PRKAR1A: variants seen among roughly 807,000 people sequenced by gnomAD.
PRKAR1A encodes the protein cAMP-dependent protein kinase type I-alpha regulatory subunit.
In PRKAR1A, 3 loss-of-function variants were observed where a neutral mutation model predicts 52.0. The ratio of observed to expected loss-of-function variants is 0.06; its 90% CI spans 0.03 to 0.15. The LOEUF is 0.15. PRKAR1A is among the 10% of genes least tolerant of loss of function. The probability of loss-of-function intolerance (pLI) is 1.00; values close to 1 mark genes in which losing one functional copy is unlikely to be tolerated. For synonymous variants in PRKAR1A, 188 were observed against 168.4 expected, an observed-to-expected ratio of 1.12 and a Z score of -0.90; for missense variants, 240 against 477.4, an observed-to-expected ratio of 0.50 and a Z score of 4.63.
rs2143409900 is a variant in PRKAR1A, at chr17:68,532,693, A to G, written c.*2244A>G. 1 of 1,066,332 alleles carries G rather than the reference A, an allele frequency of 9.4e-7. No individual in the cohort carries two copies. The highest frequency in any genetic ancestry group is 5.0e-5 in the East Asian group (1 of 20,098). 66.1% of individuals were successfully genotyped at this position (1,066,332 alleles called of 1,614,324 possible). On this transcript the variant is annotated 3_prime_UTR_variant, in exon 11 of 11. Coordinates refer to ENST00000589228, the MANE Select transcript of PRKAR1A (RefSeq NM_002734.5). Reference sequence around the variant, plus strand: ...CCAGTCTGATTATACCATGTGTGCTAATATACTTTTTTTGTTATAGATTGT... The same window carrying G: ...CCAGTCTGATTATACCATGTGTGCTGATATACTTTTTTTGTTATAGATTGT...
the PRKAR1A span, chr17:68,436,247 C>G: frequency 1.3e-6 from 1 of 767,130 alleles, no homozygotes; most frequent in Non-Finnish European, 2.2e-6. Context: ...GTATCACCTT[C>G]TCTTGAACAA....
the PRKAR1A span, among the ~76,000 whole-genome samples, chr17:68,487,981 A>AAG: frequency 2.0e-5 from 3 of 151,950 alleles, no homozygotes; most frequent in Non-Finnish European, 4.4e-5. Context: ...GTTTGTATGA[A>AAG]AGAGAGAGAG....
the PRKAR1A span, among the ~76,000 whole-genome samples, chr17:68,465,765 G>A: frequency 1.3e-5 from 2 of 151,300 alleles, no homozygotes; most frequent in Admixed American, 6.6e-5. Flanking sequence ...CATCGCGCCC[G>A]GCCTGTCTCA....
the PRKAR1A span, among the ~76,000 whole-genome samples, chr17:68,426,873 T>C: frequency 6.6e-6 from 1 of 152,196 alleles, no homozygotes; most frequent in Non-Finnish European, 1.5e-5. Context: ...TTAACACCAC[T>C]TGTTAGGAAA....
chr17:68,509,248 G>A (rs1316007605), upstream of PRKAR1A, among the ~76,000 whole-genome samples: 3 of 152,150 alleles, frequency 2.0e-5, no homozygotes, highest in Admixed American at 6.5e-5. Context: ...GTGCAGTGGT[G>A]CGATCATGGC....
chr17:68,505,744 T>C, the PRKAR1A span, among the ~76,000 whole-genome samples: 1 of 152,030 alleles, frequency 6.6e-6, no homozygotes, highest in Non-Finnish European at 1.5e-5. Context: ...GCCCAGGAGA[T>C]GGGAGGTTGC....
At chr17:68,542,067 A>G in intron 11 of PRKAR1A, 4 of 1,613,968 alleles carry the variant, frequency 2.5e-6, no homozygotes, top group Non-Finnish European at 3.4e-6. Flanking sequence ...GACGGCAGGA[A>G]GGCAGAGAGG....
downstream of PRKAR1A, chr17:68,537,327 G>A: frequency 1.0e-6 from 1 of 958,734 alleles, no homozygotes; most frequent in Non-Finnish European, 1.6e-6. The surrounding 1 kb of genome is among the most constrained non-coding windows in gnomAD (Gnocchi z 4.2). Context: ...AGTTCCATGG[G>A]CCCCACTTGC....
the PRKAR1A span, among the ~76,000 whole-genome samples, chr17:68,434,153 T>C: frequency 2.6e-5 from 4 of 152,178 alleles, no homozygotes; most frequent in Admixed American, 2.6e-4. Flanking sequence ...CCTGGCATCT[T>C]GGAATCTTCC....
rs1446930546 is a variant in PRKAR1A, at chr17:68,532,617, C to T, written c.*2168C>T. The T allele has an allele frequency of 7.5e-6, 8 of 1,065,936 alleles. No individual in the cohort carries two copies. Among genetic ancestry groups the T allele is most frequent in the Non-Finnish European group, 9.1e-6 (8 of 879,482 alleles). 66.0% of individuals were successfully genotyped at this position (1,065,936 alleles called of 1,614,324 possible). A position where few individuals can be genotyped will look rare whatever the true frequency, so the allele number is the denominator to read the frequency against. Reference sequence around the variant, plus strand: ...GTAAGTGAATTTATGAGATTTACTGCTCTAGAAAGTATAGATGGCCAAAGG... The same window carrying T: ...GTAAGTGAATTTATGAGATTTACTGTTCTAGAAAGTATAGATGGCCAAAGG... On this transcript the variant is annotated 3_prime_UTR_variant, in exon 11 of 11. Transcript: ENST00000589228.
At chr17:68,429,992 G>C in the PRKAR1A span, 2 of 1,614,044 alleles carry the variant, frequency 1.2e-6, no homozygotes, top group Non-Finnish European at 1.7e-6. Context: ...GTCATTGTAC[G>C]TACGTTGAGA....
chr17:68,519,921 G>A (rs2085552401), intron 2 of PRKAR1A, among the ~76,000 whole-genome samples: 1 of 152,212 alleles, frequency 6.6e-6, no homozygotes, highest in African/African-American at 2.4e-5. Context: ...GTAAAACTGA[G>A]AGAAATTAAG....
the PRKAR1A span, among the ~76,000 whole-genome samples, chr17:68,431,613 T>C: frequency 3.4e-5 from 4 of 119,362 alleles, no homozygotes; most frequent in East Asian, 7.4e-4. Flanking sequence ...TGGACTGGTA[T>C]TGGTTGAAAG....
the PRKAR1A span, among the ~76,000 whole-genome samples, chr17:68,482,744 T>G: frequency 2.6e-5 from 4 of 152,204 alleles, no homozygotes; most frequent in African/African-American, 9.7e-5. Context: ...TTATCTGTTT[T>G]TACTAAGGTC....
chr17:68,423,159 A>G, the PRKAR1A span, among the ~76,000 whole-genome samples: 1 of 152,178 alleles, frequency 6.6e-6, no homozygotes, highest in South Asian at 2.1e-4. This position sits in a 1 kb window ranked among gnomAD's most constrained non-coding sequence, Gnocchi z 4.4. Context: ...GTGGTCCTAG[A>G]AGATTTTAAG....
In PRKAR1A at chr17:68,533,298, T is replaced by G. The variant is rs1318275709; in HGVS notation, c.*2849T>G. The G allele has an allele frequency of 9.4e-7, 1 of 1,064,116 alleles. No homozygotes were observed. The highest frequency in any genetic ancestry group is 4.6e-5 in the South Asian group (1 of 21,964). The allele number at this position is 1,064,116 out of a possible 1,614,324, so 65.9% of individuals were successfully genotyped here. A position where few individuals can be genotyped will look rare whatever the true frequency, so the allele number is the denominator to read the frequency against. ...CACATCCAGTGAAATTGGAGATATG[T>G]TGTATGTTAGAAGAGCATTCTTTAA... On this transcript the variant is annotated 3_prime_UTR_variant, in exon 11 of 11. Transcript: ENST00000589228.
At chr17:68,431,930 C>T in the PRKAR1A span, among the ~76,000 whole-genome samples, 1 of 152,262 alleles carries the variant, frequency 6.6e-6, no homozygotes, top group Admixed American at 6.5e-5. Flanking sequence ...CTCGTGGAAC[C>T]TTGGGGTTGA....
At chr17:68,467,419 A>G in the PRKAR1A span, among the ~76,000 whole-genome samples, 1 of 152,048 alleles carries the variant, frequency 6.6e-6, no homozygotes, top group Non-Finnish European at 1.5e-5. Context: ...CCTTGCCAAC[A>G]CTTGTTATTT....
the PRKAR1A span, among the ~76,000 whole-genome samples, chr17:68,462,030 A>G: frequency 6.6e-6 from 1 of 152,162 alleles, no homozygotes; most frequent in African/African-American, 2.4e-5. Flanking sequence ...AAATGGAACC[A>G]TTATTTCTGG....
Sources: gnomAD v4.1 joint callset for allele counts (sites outside exome capture counted in the v4.1 genomes callset) on GRCh38, gnomAD v4.1.1 for gene constraint, Gnocchi (gnomAD v3.1) non-coding constraint, MANE v1.5 for transcripts, NCBI Gene and HGNC (gene_info 2026-07-23, HGNC 2026-07-21) for gene names.